CNTN6: variants seen among roughly 807,000 people sequenced by gnomAD.
CNTN6 encodes contactin 6, also known as contactin-6.
In CNTN6, 137 loss-of-function variants were observed where a neutral mutation model predicts 122.8. The observed-to-expected ratio is 1.12, with a 90% CI of 0.97 to 1.29. The LOEUF (loss-of-function observed/expected upper bound fraction) is 1.29. Among genes scored for constraint, CNTN6 ranks in the 50% most tolerant of loss-of-function variants. The pLI, the probability that CNTN6 is intolerant of heterozygous loss-of-function variation, is 0.00. For synonymous variants in CNTN6, 570 were observed against 426.0 expected, an observed-to-expected ratio of 1.34 and a Z score of -4.16; for missense variants, 1,634 against 1,223.4, an observed-to-expected ratio of 1.34 and a Z score of -5.01.
intron 2 of CNTN6, among the ~76,000 whole-genome samples, chr3:1,158,949 T>C (rs1417367160): frequency 0.02 from 2,274 of 111,402 alleles, 244 homozygotes; most frequent in African/African-American, 0.056. Flanking sequence ...CACATATATA[T>C]ATATACACAC....
At chr3:1,378,513 C>A (rs1264268207) in intron 17 of CNTN6, among the ~76,000 whole-genome samples, 1 of 152,090 alleles carries the variant, frequency 6.6e-6, no homozygotes, top group Admixed American at 6.5e-5. Flanking sequence ...ATAGGCCTAG[C>A]ACAGTGCTTG....
At chr3:1,274,970 A>T (rs1028080940) in intron 4 of CNTN6, among the ~76,000 whole-genome samples, 2 of 151,832 alleles carry the variant, frequency 1.3e-5, no homozygotes, top group African/African-American at 4.9e-5. Flanking sequence ...CCCCCACCCA[A>T]ATCAGTTTGA....
At chr3:1,117,507 T>C (rs765416996) in intron 1 of CNTN6, among the ~76,000 whole-genome samples, 37 of 152,162 alleles carry the variant, frequency 2.4e-4, no homozygotes, top group Admixed American at 2.3e-3. Context: ...CCTTACTAAG[T>C]TCTTTAACAT....
At chr3:1,210,532 C>G (rs2094022208) in intron 2 of CNTN6, among the ~76,000 whole-genome samples, 1 of 152,044 alleles carries the variant, frequency 6.6e-6, no homozygotes, top group African/African-American at 2.4e-5. Context: ...GTTTGAAAAA[C>G]TAAGGTAGAA....
rs139150023 is a variant in CNTN6 at position 1,193,249 on chromosome 3, C to G, written c.56-27438C>G. Among the ~76,000 whole-genome samples the G allele has an allele frequency of 7.2e-5, 11 of 152,188 alleles. No homozygotes were observed. In the East Asian group the frequency reaches 2.1e-3, roughly 29 times the overall value. On this transcript the variant is annotated intron_variant, in intron 2 of 22. Coordinates refer to ENST00000446702, the MANE Select transcript of CNTN6 (RefSeq NM_001289080.2). ...AGAGTGCACAGTGTGACACAGCTTG[C>G]CATTTAATGACTCAGCATGCATACA...
intron 1 of CNTN6, among the ~76,000 whole-genome samples, chr3:1,108,197 C>T (rs972488903): frequency 3.0e-4 from 46 of 151,966 alleles, no homozygotes; most frequent in Non-Finnish European, 3.7e-4. Flanking sequence ...ATATATCAAA[C>T]TCATGGTATT....
chr3:1,239,197 C>G (rs2313868), intron 4 of CNTN6, among the ~76,000 whole-genome samples: 45,471 of 151,898 alleles, frequency 0.3, 7,018 homozygotes, highest in East Asian at 0.43. Flanking sequence ...AGAAATAAAG[C>G]GTGTCCAAAT....
At chr3:1,147,155 A>G (rs1416385345) in intron 1 of CNTN6, among the ~76,000 whole-genome samples, 1 of 152,230 alleles carries the variant, frequency 6.6e-6, no homozygotes, top group East Asian at 1.9e-4. Context: ...GCAAGAAAAT[A>G]TGTTTCCACT....
Position 1,402,475 on chromosome 3 carries a change from CA to C in CNTN6, c.2980del (p.Met994CysfsTer4). The C allele has an allele frequency of 6.2e-7, 1 of 1,606,684 alleles. No homozygotes were observed. The highest frequency in any genetic ancestry group is 8.5e-7 in the Non-Finnish European group (1 of 1,175,086). On this transcript the variant is annotated frameshift_variant, in exon 22 of 23. Transcript: ENST00000446702. LOFTEE classifies it high-confidence loss of function. The stretch of plus-strand genomic sequence containing the variant: ...AGCAGCAGTGAGGAAATTAGGATTC[CA>C]AAAATGTCAAGTAAGTTGAGTCACC... ...DGSSSEEIRI[P>X]KMSSLSSRGI...
At chr3:1,256,035 AT>A (rs964848758) in intron 4 of CNTN6, among the ~76,000 whole-genome samples, 6 of 151,882 alleles carry the variant, frequency 4.0e-5, no homozygotes, top group African/African-American at 1.5e-4. Context: ...TATCCGGCTA[AT>A]TTTTAAGATT....
At chr3:1,117,131 G>A (rs2091753898) in intron 1 of CNTN6, among the ~76,000 whole-genome samples, 1 of 152,150 alleles carries the variant, frequency 6.6e-6, no homozygotes, top group Non-Finnish European at 1.5e-5. Context: ...GAATGGCCTA[G>A]GGAAGAGATT....
chr3:1,389,336 A>C (rs1253000499), intron 20 of CNTN6, among the ~76,000 whole-genome samples: 1 of 152,070 alleles, frequency 6.6e-6, no homozygotes, highest in Non-Finnish European at 1.5e-5. Context: ...AAGGAGAAAT[A>C]AAATACTTTA....
At chr3:1,287,296 C>G (rs112379716) in intron 5 of CNTN6, among the ~76,000 whole-genome samples, 4 of 152,262 alleles carry the variant, frequency 2.6e-5, no homozygotes, top group African/African-American at 7.2e-5. Context: ...ATATCCCTGG[C>G]TTTTACTTAC....
intron 2 of CNTN6, among the ~76,000 whole-genome samples, chr3:1,159,164 C>T (rs568484925): frequency 1.3e-5 from 2 of 151,746 alleles, no homozygotes; most frequent in East Asian, 3.9e-4. Flanking sequence ...TTCAAATTAC[C>T]GCCTAATTAC....
chr3:1,157,133 T>A (rs996052238), intron 2 of CNTN6, among the ~76,000 whole-genome samples: 1 of 151,902 alleles, frequency 6.6e-6, no homozygotes, highest in Non-Finnish European at 1.5e-5. Flanking sequence ...ATAGGGAAAC[T>A]GGGGTATCCA....
At chr3:1,202,863 T>C (rs1206410035) in intron 2 of CNTN6, among the ~76,000 whole-genome samples, 1 of 152,226 alleles carries the variant, frequency 6.6e-6, no homozygotes, top group Admixed American at 6.5e-5. Context: ...TTTTATCTTT[T>C]TACTGAGAGG....
At chr3:1,110,345 T>C (rs2125013152) in intron 1 of CNTN6, among the ~76,000 whole-genome samples, 1 of 152,136 alleles carries the variant, frequency 6.6e-6, no homozygotes, top group East Asian at 1.9e-4. Flanking sequence ...ATAAAACAGG[T>C]ATACCATCAT....
chr3:1,360,475 T>C (rs1372730481), intron 12 of CNTN6, among the ~76,000 whole-genome samples: 1 of 152,076 alleles, frequency 6.6e-6, no homozygotes, highest in African/African-American at 2.4e-5. Context: ...GCCCTGTTAT[T>C]TAAATGTTAT....
chr3:1,141,498 C>A (rs2092607610), intron 1 of CNTN6, among the ~76,000 whole-genome samples: 1 of 152,156 alleles, frequency 6.6e-6, no homozygotes, highest in South Asian at 2.1e-4. Context: ...CCTCCTTGAC[C>A]ATTCTACTGC....
Sources: gnomAD v4.1 joint callset for allele counts (sites outside exome capture counted in the v4.1 genomes callset) on GRCh38, gnomAD v4.1.1 for gene constraint, MANE v1.5 for transcripts, NCBI Gene and HGNC (gene_info 2026-07-23, HGNC 2026-07-21) for gene names.